Variants in ZGRF1 observed in about 807,000 individuals in gnomAD.
The protein encoded by ZGRF1 is 5'-3' DNA helicase ZGRF1.
Under a neutral mutation model 203.5 loss-of-function variants are expected in ZGRF1, and 196 were observed. The observed-to-expected ratio is 0.96, with a 90% CI of 0.86 to 1.08. The LOEUF is 1.08. Among genes scored for constraint, ZGRF1 ranks in the 50% least tolerant of loss-of-function variants. ZGRF1 has a pLI of 0.00. For synonymous variants in ZGRF1, 809 were observed against 841.3 expected, an observed-to-expected ratio of 0.96 and a Z score of 0.66; for missense variants, 2,326 against 2,416.3, an observed-to-expected ratio of 0.96 and a Z score of 0.78.
chr4:112,575,693 C>A (rs1417563546), intron 16 of ZGRF1, among the ~76,000 whole-genome samples: 2 of 152,198 alleles, frequency 1.3e-5, no homozygotes, highest in Non-Finnish European at 2.9e-5. Flanking sequence ...ACAGAGCAGT[C>A]TCAGATCAAA....
chr4:112,563,217 C>T lies in ZGRF1; in HGVS notation c.4496G>A (p.Cys1499Tyr). 6.4e-7 allele frequency: 1 copy of T among 1,551,210 alleles called. No individual in the cohort carries two copies. The highest frequency in any genetic ancestry group is 8.7e-7 in the Non-Finnish European group (1 of 1,146,704). The change falls in exon 17 of 28, where the codon TGT becomes TAT. Residue 1499 changes from cysteine (C) to tyrosine (Y), a missense_variant. Coordinates refer to ENST00000505019, the MANE Select transcript of ZGRF1 (RefSeq NM_018392.5). Reference sequence around the variant, plus strand: ...AGATGATGGTCCAAAGAAAGCACTACATGCGATAAAAGTATCCAGCTCAAA... The same window carrying T: ...AGATGATGGTCCAAAGAAAGCACTATATGCGATAAAAGTATCCAGCTCAAA... ...LDFELDTFIA[C>Y]SAFFGPSSIN...
At chr4:112,591,638 C>A (rs1748177981) in intron 10 of ZGRF1, among the ~76,000 whole-genome samples, 1 of 152,174 alleles carries the variant, frequency 6.6e-6, no homozygotes, top group African/African-American at 2.4e-5. Context: ...GTTTTACACA[C>A]CAGCCATCAT....
chr4:112,585,604 T>C lies in ZGRF1; in HGVS notation c.4038A>G (p.Val1346=), dbSNP rs1316361612. The part of the protein sequence containing the change: ...GEKLKNAENN[V]PSCHHSQPAK... ...CAGGTTGACTATGATGGCAGGATGG[T>C]ACATTATTTTCTGCGTTTTTCAGTT... Residue 1346 remains valine, a synonymous_variant, in exon 14 of 28, where the codon GTA becomes GTG. Transcript: ENST00000505019. 6.2e-7 allele frequency: 1 copy of C among 1,612,774 alleles called. No homozygotes were observed. Among genetic ancestry groups the C allele is most frequent in the South Asian group, 1.1e-5 (1 of 90,896 alleles).
chr4:112,540,697 T>C (rs900449488), intron 26 of ZGRF1, 124 bp downstream of exon 26: 3 of 570,918 alleles, frequency 5.3e-6, no homozygotes, highest in Non-Finnish European at 5.6e-6. Flanking sequence ...TTTTTTAATA[T>C]ATTAATTACA....
intron 13 of ZGRF1, among the ~76,000 whole-genome samples, chr4:112,585,956 G>T (rs889853531): frequency 1.3e-4 from 20 of 151,912 alleles, no homozygotes; most frequent in African/African-American, 4.8e-4. Context: ...AGATAATACT[G>T]GCCAAGTGTG....
At position 112,587,305 on chromosome 4, in the gene ZGRF1, T is replaced by C; in HGVS notation, c.3752A>G (p.Tyr1251Cys). Residue 1251 changes from tyrosine (Y) to cysteine (C), a missense_variant, in exon 12 of 28, where the codon TAC (tyrosine) becomes TGC (cysteine). Transcript: ENST00000505019. ...IKNVLGGSTC[Y>C]NYSVKDLQEI... is the part of the protein sequence containing the mutation. ...CTGTAAATCCTTTACACTGTAGTTGTAGCAGGTAGACCCTCCTAATACATT... is the reference window on the plus strand; with the variant it reads ...CTGTAAATCCTTTACACTGTAGTTGCAGCAGGTAGACCCTCCTAATACATT... 6.2e-7 allele frequency: 1 copy of C among 1,611,444 alleles called. No homozygotes were observed. Among genetic ancestry groups the C allele is most frequent in the East Asian group, 2.2e-5 (1 of 44,856 alleles).
chr4:112,578,516 G>C lies in ZGRF1; in HGVS notation c.4438+3147C>G, dbSNP rs562986751. Among the ~76,000 whole-genome samples the C allele has an allele frequency of 1.5e-3, 176 of 121,136 alleles. 49 individuals are homozygous for C. The highest frequency in any genetic ancestry group is 4.9e-3 in the Admixed American group (51 of 10,500). The allele number at this position is 121,136 out of a possible 152,430, so 79.5% of individuals were successfully genotyped here. ...TTTGAAAAGATCAACAAAATTGATA[G>C]ACCGCTAGCAAGACTAATAAAGAAG... On this transcript the variant is annotated intron_variant, in intron 16 of 27. Coordinates refer to ENST00000505019, the MANE Select transcript of ZGRF1 (RefSeq NM_018392.5).
chr4:112,539,342 T>C lies in ZGRF1; in HGVS notation c.*205A>G, dbSNP rs1737084718. 1.1e-5 allele frequency: 4 copies of C among 362,896 alleles called. No homozygotes were observed. Among genetic ancestry groups the C allele is most frequent in the Admixed American group, 4.2e-5 (1 of 23,534 alleles). The allele number at this position is 362,896 out of a possible 1,614,324, so 22.5% of individuals were successfully genotyped here. On this transcript the variant is annotated 3_prime_UTR_variant, in exon 28 of 28. Coordinates refer to ENST00000505019, the MANE Select transcript of ZGRF1 (RefSeq NM_018392.5). ...CTTTGGCAAACAGAAATCATTCTTC[T>C]TAGAAAAAAGCTTATTTTTATTAGT...
intron 7 of ZGRF1, among the ~76,000 whole-genome samples, chr4:112,609,634 T>G (rs887389175): frequency 6.6e-6 from 1 of 151,412 alleles, no homozygotes; most frequent in African/African-American, 2.4e-5. Context: ...GGTGAAACCC[T>G]GTCTCTACTA....
chr4:112,610,067 A>G (rs1272080327), intron 7 of ZGRF1, among the ~76,000 whole-genome samples: 1 of 152,054 alleles, frequency 6.6e-6, no homozygotes, highest in Admixed American at 6.6e-5. Context: ...TGAGCCCAGG[A>G]GGTCAAGGCT....
At chr4:112,567,124 G>A (rs904783100) in intron 16 of ZGRF1, among the ~76,000 whole-genome samples, 4 of 152,126 alleles carry the variant, frequency 2.6e-5, no homozygotes, top group African/African-American at 9.7e-5. Flanking sequence ...TTAACCAGAG[G>A]TTTTAGACTT....
chr4:112,581,715 G>C lies in ZGRF1; in HGVS notation c.4386C>G (p.Thr1462=), dbSNP rs1314654023. The C allele has an allele frequency of 9.5e-6, 15 of 1,581,808 alleles. No homozygotes were observed. Among genetic ancestry groups the C allele is most frequent in the Non-Finnish European group, 1.2e-5 (14 of 1,168,234 alleles). Residue 1462 remains threonine (T), a synonymous_variant, in exon 16 of 28, where the codon ACC becomes ACG. Coordinates refer to ENST00000505019, the MANE Select transcript of ZGRF1 (RefSeq NM_018392.5). ...TCCGACTTAGCTTAAGATAAAGTTT[G>C]GTTTTTGGTTCATTATAAAACTCAG... is the stretch of plus-strand genomic sequence containing the variant. ...VNPEFYNEPK[T]KLYLKLSRKE...
chr4:112,616,327 G>A (rs1031707957), intron 6 of ZGRF1, among the ~76,000 whole-genome samples: 7 of 150,328 alleles, frequency 4.7e-5, no homozygotes, highest in Non-Finnish European at 8.9e-5. Flanking sequence ...CAAGACCAAC[G>A]TGGCCAACAT....
At chr4:112,581,076 C>T (rs1314388872) in intron 16 of ZGRF1, among the ~76,000 whole-genome samples, 3 of 152,030 alleles carry the variant, frequency 2.0e-5, no homozygotes, top group Non-Finnish European at 4.4e-5. Context: ...GGCACATATA[C>T]ACCACGGAGT....
At chr4:112,634,447 C>T (rs1048114265) in intron 1 of ZGRF1, among the ~76,000 whole-genome samples, 8 of 151,902 alleles carry the variant, frequency 5.3e-5, no homozygotes, top group African/African-American at 1.9e-4. Context: ...GTCAGGAGTT[C>T]GAGACCAGCC....
At position 112,563,248 on chromosome 4, in the gene ZGRF1, G is replaced by A; in HGVS notation, c.4465C>T (p.Leu1489=). 1 of 1,551,114 alleles carries A rather than the reference G, an allele frequency of 6.4e-7. No individual in the cohort carries two copies. Among genetic ancestry groups the A allele is most frequent in the Non-Finnish European group, 8.7e-7 (1 of 1,146,768 alleles). ...ATAAAAGTATCCAGCTCAAAGTCTA[G>A]GGTTTTTGAAACCACCCAAAGATCA... ...KNDLWVVSKT[L]DFELDTFIAC... The change falls in exon 17 of 28, where the codon CTA becomes TTA. Residue 1489 remains leucine (L), a synonymous_variant. Transcript: ENST00000505019.
chr4:112,609,178 C>T (rs1409358012), intron 8 of ZGRF1, among the ~76,000 whole-genome samples: 2 of 151,794 alleles, frequency 1.3e-5, no homozygotes, highest in East Asian at 2.0e-4. Flanking sequence ...CTCAGCCTCC[C>T]GAGTAGCCGG....
chr4:112,625,376 G>C (rs192975406), intron 3 of ZGRF1, among the ~76,000 whole-genome samples: 1 of 150,730 alleles, frequency 6.6e-6, no homozygotes, highest in African/African-American at 2.4e-5. Flanking sequence ...ACGAGGTCAG[G>C]AGATCGAGAC....
chr4:112,556,716 ACATACTACTGAAT>A (rs1297014847), intron 20 of ZGRF1, among the ~76,000 whole-genome samples: 1 of 152,192 alleles, frequency 6.6e-6, no homozygotes, highest in Non-Finnish European at 1.5e-5. Flanking sequence ...CACAAACAAC[ACATACTACTGAAT>A]CTCAAATTTG....
Sources: allele counts gnomAD v4.1 joint callset (sites outside exome capture counted in the v4.1 genomes callset), GRCh38; gene constraint gnomAD v4.1.1; transcripts MANE v1.5; gene names NCBI Gene and HGNC (gene_info 2026-07-23, HGNC 2026-07-21).